Variants in NEGR1 observed in about 807,000 individuals in gnomAD.
NEGR1 encodes the protein neuronal growth regulator 1.
NEGR1 carries 10 observed loss-of-function variants against 40.9 expected under a neutral mutation model. The observed-to-expected ratio is 0.24, with a 90% CI of 0.15 to 0.42. The LOEUF (loss-of-function observed/expected upper bound fraction) is 0.42. NEGR1 is among the 10% of genes least tolerant of loss of function. The pLI, the probability that NEGR1 is intolerant of heterozygous loss-of-function variation, is 1.00. For missense variants in NEGR1, 352 were observed against 438.9 expected (o/e 0.80, Z 1.77); for synonymous variants, 185 against 166.8 (o/e 1.11, Z -0.84).
intron 6 of NEGR1, among the ~76,000 whole-genome samples, chr1:71,485,801 C>T (rs781731465): frequency 7.9e-5 from 12 of 151,606 alleles, no homozygotes; most frequent in East Asian, 1.9e-4. Flanking sequence ...AATATTCCAC[C>T]GTCTTTATAT....
At position 71,964,808 on chromosome 1, in the gene NEGR1, T is replaced by A. The variant is rs527287631; in HGVS notation, c.177-29497A>T. 5.7e-5 allele frequency among the ~76,000 whole-genome samples: 8 copies of A among 141,502 alleles called. No homozygotes were observed. The South Asian group carries it at 1.9e-3, about 34-fold the overall frequency. The allele number at this position is 141,502 out of a possible 152,430, so 92.8% of individuals were successfully genotyped here. On this transcript the variant is annotated intron_variant, in intron 1 of 6. Transcript: ENST00000357731. ...AAGAAAGAACATCTGCTGATTGTATTTATATATAATCACATTAAAAAAAAA... is the reference window on the plus strand; with the variant it reads ...AAGAAAGAACATCTGCTGATTGTATATATATATAATCACATTAAAAAAAAA...
intron 2 of NEGR1, among the ~76,000 whole-genome samples, chr1:71,803,439 G>T (rs1657634420): frequency 6.6e-6 from 1 of 152,108 alleles, no homozygotes; most frequent in Admixed American, 6.6e-5. Context: ...CTCAGAGCCA[G>T]GGGTATAGTC....
At chr1:71,912,805 C>T (rs994970780) in intron 2 of NEGR1, among the ~76,000 whole-genome samples, 3 of 151,728 alleles carry the variant, frequency 2.0e-5, no homozygotes, top group Non-Finnish European at 4.4e-5. Flanking sequence ...GATGTATGTA[C>T]ATGTGTGTGT....
At chr1:71,672,101 G>A (rs950029324) in intron 4 of NEGR1, among the ~76,000 whole-genome samples, 1 of 151,932 alleles carries the variant, frequency 6.6e-6, no homozygotes, top group Non-Finnish European at 1.5e-5. Context: ...GTGATACGGA[G>A]CATGCCAAAT....
intron 6 of NEGR1, among the ~76,000 whole-genome samples, chr1:71,440,506 G>C (rs901400367): frequency 6.6e-6 from 1 of 152,202 alleles, no homozygotes; most frequent in Non-Finnish European, 1.5e-5. Flanking sequence ...ACATGTTGAG[G>C]TGATTTCTTG....
At chr1:71,897,551 T>G (rs766036717) in intron 2 of NEGR1, among the ~76,000 whole-genome samples, 16 of 152,220 alleles carry the variant, frequency 1.1e-4, no homozygotes, top group Non-Finnish European at 1.8e-4. Flanking sequence ...AATTGTAAGT[T>G]TGTATTTCAT....
intron 6 of NEGR1, among the ~76,000 whole-genome samples, chr1:71,456,618 T>C (rs1209093327): frequency 6.6e-6 from 1 of 152,208 alleles, no homozygotes; most frequent in Non-Finnish European, 1.5e-5. Flanking sequence ...CCAGTCATCA[T>C]GACATACTTG....
intron 4 of NEGR1, among the ~76,000 whole-genome samples, chr1:71,638,550 A>G (rs551950341): frequency 2.6e-4 from 40 of 152,216 alleles, no homozygotes; most frequent in Non-Finnish European, 4.9e-4. Context: ...AGGGACATCA[A>G]TTGAGCATGT....
intron 1 of NEGR1, among the ~76,000 whole-genome samples, chr1:72,123,409 G>A (rs771131860): frequency 1.3e-5 from 2 of 151,596 alleles, no homozygotes; most frequent in Non-Finnish European, 3.0e-5. Flanking sequence ...GTTTAAAACC[G>A]TATAACTAAA....
At chr1:71,665,465 G>A (rs1039236701) in intron 4 of NEGR1, among the ~76,000 whole-genome samples, 1 of 152,198 alleles carries the variant, frequency 6.6e-6, no homozygotes, top group Non-Finnish European at 1.5e-5. Flanking sequence ...ATCCTGCCAT[G>A]TGACAAACAG....
intron 6 of NEGR1, among the ~76,000 whole-genome samples, chr1:71,570,700 G>A (rs1648783762): frequency 6.6e-6 from 1 of 151,522 alleles, no homozygotes; most frequent in South Asian, 2.1e-4. Context: ...AAACGTTACT[G>A]GATGTCTCTA....
chr1:71,736,447 TG>T (rs1251289317), intron 3 of NEGR1, among the ~76,000 whole-genome samples: 1 of 152,170 alleles, frequency 6.6e-6, no homozygotes, highest in Non-Finnish European at 1.5e-5. Context: ...CCATTTAAAA[TG>T]TATTTTTTCC....
intron 1 of NEGR1, among the ~76,000 whole-genome samples, chr1:72,213,999 T>G (rs974585178): frequency 4.6e-5 from 7 of 151,962 alleles, no homozygotes; most frequent in African/African-American, 1.5e-4. Flanking sequence ...TAGCGGCACA[T>G]CAAAAAGCTG....
chr1:71,778,100 A>G (rs1461368246), intron 2 of NEGR1, among the ~76,000 whole-genome samples: 1 of 152,054 alleles, frequency 6.6e-6, no homozygotes, highest in Non-Finnish European at 1.5e-5. Context: ...ATTAAACTAA[A>G]AGTATATTTT....
intron 1 of NEGR1, among the ~76,000 whole-genome samples, chr1:72,199,150 C>CAGAGAG (rs34602311): frequency 7.8e-4 from 90 of 115,250 alleles, no homozygotes; most frequent in Middle Eastern, 4.5e-3. Context: ...GATAGACAGA[C>CAGAGAG]AGAGAGAGAG....
intron 6 of NEGR1, among the ~76,000 whole-genome samples, chr1:71,427,160 G>T (rs1330432405): frequency 6.6e-6 from 1 of 152,158 alleles, no homozygotes; most frequent in Non-Finnish European, 1.5e-5. Flanking sequence ...TATGTAGCTG[G>T]ATATTTCTCC....
At chr1:72,050,227 A>T (rs1053301490) in intron 1 of NEGR1, among the ~76,000 whole-genome samples, 1 of 151,634 alleles carries the variant, frequency 6.6e-6, no homozygotes, top group African/African-American at 2.4e-5. Flanking sequence ...GGGAAAGTGA[A>T]TTAAAATCTT....
chr1:71,940,441 G>T (rs1190535695), intron 1 of NEGR1, among the ~76,000 whole-genome samples: 1 of 152,140 alleles, frequency 6.6e-6, no homozygotes, highest in African/African-American at 2.4e-5. Context: ...TTTTCAGTCA[G>T]TCATCTGGAT....
At chr1:71,416,141 C>T (rs1646353605) in intron 6 of NEGR1, among the ~76,000 whole-genome samples, 1 of 152,144 alleles carries the variant, frequency 6.6e-6, no homozygotes, top group African/African-American at 2.4e-5. Context: ...CACTGTGACA[C>T]TGTTAGTGTG....
Sources: allele counts gnomAD v4.1 joint callset (sites outside exome capture counted in the v4.1 genomes callset), GRCh38; gene constraint gnomAD v4.1.1; transcripts MANE v1.5; gene names NCBI Gene and HGNC (gene_info 2026-07-23, HGNC 2026-07-21).